TOX: variants seen among roughly 807,000 people sequenced by gnomAD.
The protein encoded by TOX is thymocyte selection-associated high mobility group box protein TOX.
In TOX, 11 loss-of-function variants were observed where a neutral mutation model predicts 53.7. That is an observed-to-expected ratio of 0.20 (90% confidence interval 0.13 to 0.34). TOX has a LOEUF of 0.34. Among genes scored for constraint, TOX ranks in the 10% least tolerant of loss-of-function variants. The pLI is 1.00. For synonymous variants in TOX, 225 were observed against 245.3 expected, an observed-to-expected ratio of 0.92 and a Z score of 0.77; for missense variants, 570 against 664.6, an observed-to-expected ratio of 0.86 and a Z score of 1.56.
chr8:58,996,498 A>C (rs1813563200), intron 1 of TOX, among the ~76,000 whole-genome samples: 1 of 152,218 alleles, frequency 6.6e-6, no homozygotes, highest in Non-Finnish European at 1.5e-5. Context: ...GCAAATAAGT[A>C]ACCAAGTAAT....
At position 58,851,819 on chromosome 8, in the gene TOX, A is replaced by G. The variant is rs1395017181; in HGVS notation, c.412-14T>C. ...TATATCTGGCATCTACAATAAATAA[A>G]TAAATAAATAAATAAATAAATAAAT... On this transcript the variant is annotated splice_polypyrimidine_tract_variant and intron_variant, in intron 3 of 8. Transcript: ENST00000361421. This position sits in a 1 kb window ranked among gnomAD's most constrained non-coding sequence, Gnocchi z 4.4. 8.0e-7 allele frequency: 1 copy of G among 1,255,988 alleles called. No individual in the cohort carries two copies. The highest frequency in any genetic ancestry group is 1.6e-5 in the African/African-American group (1 of 63,994). 77.8% of individuals were successfully genotyped at this position (1,255,988 alleles called of 1,614,324 possible). A position where few individuals can be genotyped will look rare whatever the true frequency, so the allele number is the denominator to read the frequency against.
At chr8:59,003,749 C>G (rs1331151405) in intron 1 of TOX, among the ~76,000 whole-genome samples, 1 of 152,076 alleles carries the variant, frequency 6.6e-6, no homozygotes, top group African/African-American at 2.4e-5. Context: ...ATTATGAAAA[C>G]CTTGATGTAT....
chr8:59,088,779 A>ACAATG, intron 1 of TOX, among the ~76,000 whole-genome samples: 1 of 152,224 alleles, frequency 6.6e-6, no homozygotes. Context: ...GCATTCACAG[A>ACAATG]CAATGCATCA....
chr8:58,887,801 G>A (rs1244930053), intron 3 of TOX, among the ~76,000 whole-genome samples: 12 of 151,730 alleles, frequency 7.9e-5, no homozygotes, highest in African/African-American at 9.7e-5. Context: ...GTTTTTATAC[G>A]TTTTATATAC....
At position 59,118,773 on chromosome 8, in the gene TOX, G is replaced by A; in HGVS notation, c.102+113C>T. On this transcript the variant is annotated intron_variant, in intron 1 of 8. Coordinates refer to ENST00000361421, the MANE Select transcript of TOX (RefSeq NM_014729.3). This position sits in a 1 kb window ranked among gnomAD's most constrained non-coding sequence, Gnocchi z 4.1. ...CAGGCTGCAGCGGGCTGCGAGCCGA[G>A]CGCGCCCGGGACCGGCCTCCGCCAA... The A allele has an allele frequency of 4.9e-6, 3 of 612,038 alleles. No individual in the cohort carries two copies. The highest frequency in any genetic ancestry group is 7.7e-6 in the Non-Finnish European group (3 of 388,276). 37.9% of individuals were successfully genotyped at this position (612,038 alleles called of 1,614,324 possible).
chr8:59,060,557 G>GTT (rs1803964705), intron 1 of TOX, among the ~76,000 whole-genome samples: 1 of 152,180 alleles, frequency 6.6e-6, no homozygotes, highest in Non-Finnish European at 1.5e-5. Flanking sequence ...AACCCAGGAG[G>GTT]CGGAGCTTGC....
In TOX at chr8:59,063,745, T is replaced by C. The variant is rs1399626459; in HGVS notation, c.102+55141A>G. Among the ~76,000 whole-genome samples the C allele has an allele frequency of 2.6e-5, 4 of 152,270 alleles. No individual in the cohort carries two copies. The East Asian group carries it at 7.7e-4, about 29-fold the overall frequency. On this transcript the variant is annotated intron_variant, in intron 1 of 8. Coordinates refer to ENST00000361421, the MANE Select transcript of TOX (RefSeq NM_014729.3). ...CCGGGATAGACTTTTACTGAGAACATAGCTTTAAACTTAATCTCAACTATA... is the reference window on the plus strand; with the variant it reads ...CCGGGATAGACTTTTACTGAGAACACAGCTTTAAACTTAATCTCAACTATA...
At chr8:59,092,263 T>TAA (rs1554545748) in intron 1 of TOX, among the ~76,000 whole-genome samples, 1 of 48,832 alleles carries the variant, frequency 2.0e-5, no homozygotes, top group African/African-American at 1.2e-4. Context: ...TATATATATA[T>TAA]TTTATATATA....
chr8:59,082,369 G>C (rs909256127), intron 1 of TOX, among the ~76,000 whole-genome samples: 1 of 152,258 alleles, frequency 6.6e-6, no homozygotes, highest in Non-Finnish European at 1.5e-5. Flanking sequence ...GAGGCCATGA[G>C]ATGGGTAGTT....
chr8:59,047,877 A>G (rs1803718225), intron 1 of TOX, among the ~76,000 whole-genome samples: 1 of 152,210 alleles, frequency 6.6e-6, no homozygotes, highest in Non-Finnish European at 1.5e-5. Flanking sequence ...ATTTATGTCT[A>G]ACAGGAAAAA....
At chr8:58,870,683 C>T (rs912280358) in intron 3 of TOX, among the ~76,000 whole-genome samples, 1 of 151,908 alleles carries the variant, frequency 6.6e-6, no homozygotes, top group African/African-American at 2.4e-5. Flanking sequence ...AATGAATAGA[C>T]ACATAGATCA....
chr8:58,908,445 G>A (rs757178539), intron 3 of TOX, among the ~76,000 whole-genome samples: 15 of 152,222 alleles, frequency 9.9e-5, no homozygotes, highest in Non-Finnish European at 2.1e-4. Flanking sequence ...TTCCAGCCAC[G>A]CTGTTCCCCA....
intron 1 of TOX, among the ~76,000 whole-genome samples, chr8:59,104,471 G>A (rs763104069): frequency 6.6e-6 from 1 of 152,056 alleles, no homozygotes; most frequent in Non-Finnish European, 1.5e-5. Flanking sequence ...CTTTTCACTA[G>A]AGGAAAACTT....
chr8:58,956,325 G>C lies in TOX; in HGVS notation c.168+3618C>G, dbSNP rs1273041954. Among the ~76,000 whole-genome samples, 7 of 152,142 alleles carry C rather than the reference G, an allele frequency of 4.6e-5. 1 individual carries two copies. The highest frequency in any genetic ancestry group is 1.5e-5 in the Non-Finnish European group (1 of 68,028). On this transcript the variant is annotated intron_variant, in intron 2 of 8. Coordinates refer to ENST00000361421, the MANE Select transcript of TOX (RefSeq NM_014729.3). ...ACCCCATAGCATGCGTATCTGAGTG[G>C]GCTGAGAAAATTCTGGAGAAAAGTC...
intron 1 of TOX, among the ~76,000 whole-genome samples, chr8:58,983,606 A>G (rs1007519200): frequency 6.6e-6 from 1 of 152,246 alleles, no homozygotes; most frequent in Non-Finnish European, 1.5e-5. Context: ...CTCCATACAA[A>G]TAAATATCAA....
At chr8:58,968,558 A>T (rs1403091812) in intron 1 of TOX, among the ~76,000 whole-genome samples, 2 of 152,160 alleles carry the variant, frequency 1.3e-5, no homozygotes, top group East Asian at 3.9e-4. Flanking sequence ...TTATTTCCAC[A>T]TCCTATCAGC....
At chr8:58,999,091 A>AC (rs1341654639) in intron 1 of TOX, among the ~76,000 whole-genome samples, 1 of 152,210 alleles carries the variant, frequency 6.6e-6, no homozygotes, top group African/African-American at 2.4e-5. Context: ...CTGGAAAGAA[A>AC]TTAAATGCAA....
chr8:59,036,650 T>G (rs1456302344), intron 1 of TOX, among the ~76,000 whole-genome samples: 1 of 152,170 alleles, frequency 6.6e-6, no homozygotes, highest in African/African-American at 2.4e-5. Context: ...TAAGTTACAT[T>G]CAGATGTATT....
chr8:59,021,437 T>C (rs1585968966), intron 1 of TOX, among the ~76,000 whole-genome samples: 1 of 132,650 alleles, frequency 7.5e-6, no homozygotes, highest in Non-Finnish European at 1.6e-5. Context: ...TGTTAAATTT[T>C]GCCAGGCAAC....
Sources: gnomAD v4.1 joint callset for allele counts (sites outside exome capture counted in the v4.1 genomes callset) on GRCh38, gnomAD v4.1.1 for gene constraint, Gnocchi (gnomAD v3.1) non-coding constraint, MANE v1.5 for transcripts, NCBI Gene and HGNC (gene_info 2026-07-23, HGNC 2026-07-21) for gene names.